ZNF91: variants seen among roughly 807,000 people sequenced by gnomAD.
ZNF91 encodes the protein zinc finger protein 91, also known as zinc finger protein 91 (HPF7, HTF10).
In ZNF91, 7 loss-of-function variants were observed where a neutral mutation model predicts 12.6. The ratio of observed to expected loss-of-function variants is 0.55; its 90% CI spans 0.31 to 1.04. The LOEUF (loss-of-function observed/expected upper bound fraction) is 1.04, where lower values mean the gene tolerates loss of function less well. ZNF91 is among the 50% of genes least tolerant of loss of function. The pLI is 0.05. For missense variants in ZNF91, 1,217 were observed against 1,385.4 expected, an observed-to-expected ratio of 0.88 and a Z score of 1.93; for synonymous variants, 453 against 462.6, an observed-to-expected ratio of 0.98 and a Z score of 0.27.
At chr19:23,327,725 TAG>T (rs1296175472) in intron 1 of ZNF91, 1 of 152,176 alleles carries the variant, frequency 6.6e-6, no homozygotes, top group African/African-American at 2.4e-5. Context: ...TCTTTTACTT[TAG>T]AGTTTTAATT....
At chr19:23,392,865 G>A (rs970530976) in intron 1 of ZNF91, among the ~76,000 whole-genome samples, 2 of 152,088 alleles carry the variant, frequency 1.3e-5, no homozygotes, top group East Asian at 1.9e-4. Flanking sequence ...ATACAGATAT[G>A]TCTTCCTCAT....
chr19:23,368,539 TCTCTC>T (rs1599734388), intron 3 of ZNF91, among the ~76,000 whole-genome samples: 2 of 141,832 alleles, frequency 1.4e-5, no homozygotes, highest in Middle Eastern at 3.7e-3. Flanking sequence ...TCTCTCTCTC[TCTCTC>T]TCTCTCTCTC....
intron 1 of ZNF91, chr19:23,385,309 T>C (rs1167629786): frequency 4.3e-6 from 2 of 465,530 alleles, no homozygotes; most frequent in Non-Finnish European, 7.7e-6. Context: ...TGCGAACTTA[T>C]TTCCTTTGGG....
intron 3 of ZNF91, among the ~76,000 whole-genome samples, chr19:23,341,497 A>T (rs1020048965): frequency 6.6e-6 from 1 of 152,232 alleles, no homozygotes; most frequent in East Asian, 1.9e-4. Flanking sequence ...TTAATATTCA[A>T]AATATATAGA....
At chr19:23,377,620 C>T (rs1207626830) in intron 1 of ZNF91, among the ~76,000 whole-genome samples, 1 of 152,196 alleles carries the variant, frequency 6.6e-6, no homozygotes, top group East Asian at 1.9e-4. Flanking sequence ...GTCCCTTACA[C>T]TCAGCACTCC....
chr19:23,382,125 G>A (rs2145120773), intron 1 of ZNF91, among the ~76,000 whole-genome samples: 1 of 150,780 alleles, frequency 6.6e-6, no homozygotes, highest in East Asian at 2.0e-4. Flanking sequence ...AAAAAAGGGA[G>A]ATAAAATATA....
At chr19:23,368,144 G>A (rs146545353) in intron 3 of ZNF91, among the ~76,000 whole-genome samples, 1,798 of 151,994 alleles carry the variant, frequency 0.012, 32 homozygotes, top group African/African-American at 0.041. Flanking sequence ...TCTTGACCTC[G>A]TGATCCACCC....
intron 3 of ZNF91, among the ~76,000 whole-genome samples, chr19:23,367,335 G>T (rs185235972): frequency 3.0e-4 from 45 of 151,458 alleles, no homozygotes; most frequent in Middle Eastern, 6.8e-3. Context: ...ATAAATTTAA[G>T]AATATCAATA....
chr19:23,395,430 C>T lies in ZNF91; in HGVS notation c.-76G>A, dbSNP rs1222621383. ...GCCTCCTGGAGCAGAGGACACAGAG[C>T]AGTGAAGTCGAGACCTGGAAACTCC... On this transcript the variant is annotated 5_prime_UTR_variant, in exon 1 of 4. Transcript: ENST00000300619. The T allele has an allele frequency of 2.6e-6, 4 of 1,568,066 alleles. No homozygotes were observed. The highest frequency in any genetic ancestry group is 2.3e-5 in the East Asian group (1 of 44,266).
intron 3 of ZNF91, among the ~76,000 whole-genome samples, chr19:23,364,448 GA>G (rs60439749): frequency 2.0e-5 from 3 of 146,948 alleles, no homozygotes; most frequent in East Asian, 2.0e-4. Context: ...TCCATCTCAA[GA>G]AAAAAAAAAT....
At position 23,374,642 on chromosome 19, in the gene ZNF91, G is replaced by T; in HGVS notation, c.153C>A (p.Phe51Leu). 1.2e-6 allele frequency: 2 copies of T among 1,610,004 alleles called. No individual in the cohort carries two copies. The highest frequency in any genetic ancestry group is 1.7e-6 in the Non-Finnish European group (2 of 1,178,124). The stretch of plus-strand genomic sequence containing the variant: ...TAGTATTAAAGTTTTCCTTACCCAG[G>T]AAGGCCAGGTTTCTGTAGTTCTCTA... ...VMLENYRNLA[F>L]LGIALSKPDL... The change falls in exon 2 of 4, where the codon TTC becomes TTA. Residue 51 changes from phenylalanine (F) to leucine (L), a missense_variant. By Grantham distance (22) the Phe-to-Leu change is conservative (BLOSUM62 0). Around this residue, in one of 2 missense-constraint regions of ZNF91, gnomAD observed 726 missense variants for 895.5 expected, o/e 0.81. Transcript: ENST00000300619.
intron 3 of ZNF91, among the ~76,000 whole-genome samples, chr19:23,352,655 A>C (rs1968396339): frequency 6.6e-6 from 1 of 152,186 alleles, no homozygotes; most frequent in African/African-American, 2.4e-5. Context: ...CTCCAATTAA[A>C]GGACACAGAA....
Position 23,385,588 on chromosome 19 carries a change from C to T in ZNF91, c.30+9737G>A, listed in dbSNP as rs561667019. Among the ~76,000 whole-genome samples the T allele has an allele frequency of 1.4e-4, 21 of 152,326 alleles. 1 individual carries two copies. In the South Asian group the frequency reaches 4.4e-3, roughly 32 times the overall value. ...GTTTGCAGACACACAAGAAATCTAGCTTGGCCAGGATTGGCACTAGCTACA... is the reference window on the plus strand; with the variant it reads ...GTTTGCAGACACACAAGAAATCTAGTTTGGCCAGGATTGGCACTAGCTACA... On this transcript the variant is annotated intron_variant, in intron 1 of 3. Transcript: ENST00000300619.
intron 3 of ZNF91, among the ~76,000 whole-genome samples, chr19:23,348,682 C>G (rs1968292536): frequency 6.6e-6 from 1 of 152,086 alleles, no homozygotes; most frequent in African/African-American, 2.4e-5. Context: ...TGAAAAAGAA[C>G]AGAATAAGCG....
intron 1 of ZNF91, among the ~76,000 whole-genome samples, chr19:23,389,530 G>A (rs1969992979): frequency 6.6e-6 from 1 of 152,126 alleles, no homozygotes; most frequent in Non-Finnish European, 1.5e-5. Flanking sequence ...TGAAAATCTT[G>A]TGGTGGTGGC....
Position 23,365,712 on chromosome 19 carries a change from C to A in ZNF91, c.254-2987G>T, listed in dbSNP as rs149412229. Among the ~76,000 whole-genome samples, 67 of 152,040 alleles carry A rather than the reference C, an allele frequency of 4.4e-4. No homozygotes were observed. The South Asian group carries it at 9.6e-3, about 22-fold the overall frequency. Reference sequence around the variant, plus strand: ...TGGTTTTCCTAGGCAGAGGACCCTGCGGCCTTCCGCAGTGTTTGTGTCCCT... The same window carrying A: ...TGGTTTTCCTAGGCAGAGGACCCTGAGGCCTTCCGCAGTGTTTGTGTCCCT... On this transcript the variant is annotated intron_variant, in intron 3 of 3. Transcript: ENST00000300619.
chr19:23,381,075 T>A (rs1208221637), intron 1 of ZNF91, among the ~76,000 whole-genome samples: 1 of 152,184 alleles, frequency 6.6e-6, no homozygotes, highest in Non-Finnish European at 1.5e-5. Context: ...AATTAATAAG[T>A]ATATCAGACT....
intron 1 of ZNF91, among the ~76,000 whole-genome samples, chr19:23,320,252 T>C (rs140123844): frequency 0.016 from 2,452 of 152,220 alleles, 34 homozygotes; most frequent in Middle Eastern, 0.034. Context: ...ACACAGCCAA[T>C]TGGGGAGGTG....
chr19:23,360,524 T>C lies in ZNF91; in HGVS notation c.2455A>G (p.Ile819Val), dbSNP rs915532712. 5.0e-6 allele frequency: 8 copies of C among 1,613,934 alleles called. No homozygotes were observed. The highest frequency in any genetic ancestry group is 2.2e-5 in the South Asian group (2 of 91,080). Residue 819 changes from isoleucine (I) to valine (V), a missense_variant, in exon 4 of 4, where the codon ATT (isoleucine) becomes GTT (valine). This residue lies in a region of ZNF91 where 491 missense variants were observed against 489.8 expected (regional missense o/e 1.00). Transcript: ENST00000300619. ...RSSTLTKHKT[I>V]HTGEKPYKCK... Reference sequence around the variant, plus strand: ...TTGTAGGGTTTCTCTCCAGTATGAATTGTCTTATGCTTAGTAAGGGTTGAG... The same window carrying C: ...TTGTAGGGTTTCTCTCCAGTATGAACTGTCTTATGCTTAGTAAGGGTTGAG...
Sources: allele counts gnomAD v4.1 joint callset (sites outside exome capture counted in the v4.1 genomes callset), GRCh38; gene constraint gnomAD v4.1.1; regional missense constraint gnomAD v4.1.1; transcripts MANE v1.5; gene names NCBI Gene and HGNC (gene_info 2026-07-23, HGNC 2026-07-21).